The following PRUNE2 variants were observed in gnomAD, a reference collection of about 807,000 sequenced individuals.
PRUNE2 encodes the protein protein prune homolog 2.
A neutral mutation model predicts 252.0 loss-of-function variants in PRUNE2; 164 were observed. That is an observed-to-expected ratio of 0.65 (90% CI 0.57 to 0.74). PRUNE2 has a LOEUF of 0.74. Among genes scored for constraint, PRUNE2 ranks in the 30% least tolerant of loss-of-function variants. The pLI is 0.00. For synonymous variants in PRUNE2, 1,292 were observed against 1,350.2 expected (o/e 0.96, Z 0.94); for missense variants, 3,495 against 3,711.0 (o/e 0.94, Z 1.51).
chr9:76,619,130 A>G (rs1160734468), intron 18 of PRUNE2, among the ~76,000 whole-genome samples: 1 of 152,212 alleles, frequency 6.6e-6, no homozygotes, highest in Non-Finnish European at 1.5e-5. Flanking sequence ...CCATGTCCAC[A>G]GGTTGTCCTT....
chr9:76,705,918 T>C lies in PRUNE2; in HGVS notation c.6356A>G (p.Lys2119Arg), dbSNP rs1301594312. 3 of 1,613,860 alleles carry C rather than the reference T, an allele frequency of 1.9e-6. No individual in the cohort carries two copies. In the East Asian group the frequency reaches 6.7e-5, roughly 36 times the overall value. The change falls in exon 8 of 19, where the codon AAG (lysine) becomes AGG (arginine). Residue 2119 changes from lysine (K) to arginine (R), a missense_variant. Lys to Arg is a conservative substitution (Grantham distance 26). Coordinates refer to ENST00000376718, the MANE Select transcript of PRUNE2 (RefSeq NM_015225.3). ...AGGTCCCATGCAAGCACTGAGGTGC[T>C]TCTCAGTCTCTTGCTTTGCTTCAGA... is the stretch of plus-strand genomic sequence containing the variant. ...HDSEAKQETE[K>R]HLSACMGPEV...
intron 18 of PRUNE2, among the ~76,000 whole-genome samples, chr9:76,615,774 T>TTTTTTG (rs1554756807): frequency 1.5e-5 from 2 of 136,082 alleles, no homozygotes; most frequent in Non-Finnish European, 3.1e-5. Context: ...GTGTGGTTTT[T>TTTTTTG]TTTTTTTTTT....
chr9:76,876,674 G>C (rs1176480386), intron 1 of PRUNE2, among the ~76,000 whole-genome samples: 1 of 152,032 alleles, frequency 6.6e-6, no homozygotes, highest in African/African-American at 2.4e-5. Context: ...GCACCTGCCA[G>C]TCATTCTAAC....
chr9:76,744,686 A>G (rs1242626747), intron 6 of PRUNE2, among the ~76,000 whole-genome samples: 1 of 151,936 alleles, frequency 6.6e-6, no homozygotes, highest in East Asian at 1.9e-4. Flanking sequence ...TCCCTTCCCT[A>G]TCCGACTCCT....
chr9:76,627,288 A>C (rs1232198490), intron 16 of PRUNE2, among the ~76,000 whole-genome samples: 2 of 67,068 alleles, frequency 3.0e-5, no homozygotes, highest in Non-Finnish European at 4.8e-5. Context: ...TTTTTCATAG[A>C]GATGGGGTGG....
intron 1 of PRUNE2, among the ~76,000 whole-genome samples, chr9:76,897,861 T>C (rs2062936115): frequency 6.6e-6 from 1 of 152,212 alleles, no homozygotes; most frequent in Non-Finnish European, 1.5e-5. Flanking sequence ...AAATTCTAAC[T>C]GAATTGCAAG....
Position 76,710,330 on chromosome 9 carries a change from C to T in PRUNE2, c.1944G>A (p.Gln648=). ...ACCAGCTGCTGCACCGTGCATGGGT[C>T]TGAGGTGGCCCCATGTGACCTGTGT... ...ATDTGHMGPP[Q]THARCSSWWG... The change falls in exon 8 of 19, where the codon CAG becomes CAA. Residue 648 remains glutamine, a synonymous_variant. Transcript: ENST00000376718. 1 of 1,614,054 alleles carries T rather than the reference C, an allele frequency of 6.2e-7. No individual in the cohort carries two copies. Among genetic ancestry groups the T allele is most frequent in the East Asian group, 2.2e-5 (1 of 44,884 alleles).
intron 1 of PRUNE2, among the ~76,000 whole-genome samples, chr9:76,903,706 GC>G (rs1019192147): frequency 7.2e-5 from 11 of 152,210 alleles, no homozygotes; most frequent in African/African-American, 2.6e-4. Context: ...TCCTGCCTCT[GC>G]CCCCCTAGTA....
At chr9:76,671,304 C>T (rs1285460536) in intron 9 of PRUNE2, among the ~76,000 whole-genome samples, 5 of 147,628 alleles carry the variant, frequency 3.4e-5, no homozygotes, top group South Asian at 2.2e-4. Flanking sequence ...AGGGTATCAG[C>T]GATGGAAGAT....
At chr9:76,839,665 A>G (rs1395578516) in intron 4 of PRUNE2, among the ~76,000 whole-genome samples, 4 of 152,202 alleles carry the variant, frequency 2.6e-5, no homozygotes, top group African/African-American at 9.6e-5. Flanking sequence ...CTTACAATTT[A>G]CAAGGTCATT....
chr9:76,654,539 G>C (rs948299651), intron 10 of PRUNE2, among the ~76,000 whole-genome samples: 1 of 152,148 alleles, frequency 6.6e-6, no homozygotes. Context: ...CTTGAAATGA[G>C]GCTAGTGCAA....
At chr9:76,663,646 C>T (rs1005221995) in intron 9 of PRUNE2, among the ~76,000 whole-genome samples, 4 of 152,038 alleles carry the variant, frequency 2.6e-5, no homozygotes, top group African/African-American at 9.7e-5. Flanking sequence ...GAGGCTTAAA[C>T]ATGAAAATTT....
At chr9:76,898,423 T>C (rs1346376756) in intron 1 of PRUNE2, among the ~76,000 whole-genome samples, 1 of 152,186 alleles carries the variant, frequency 6.6e-6, no homozygotes, top group African/African-American at 2.4e-5. Flanking sequence ...TCCTTTCAGC[T>C]ACTTATTCTG....
At position 76,710,194 on chromosome 9, in the gene PRUNE2, T is replaced by G. The variant is rs1312969211; in HGVS notation, c.2080A>C (p.Ile694Leu). Residue 694 changes from isoleucine to leucine, a missense_variant, in exon 8 of 19, where the codon ATT (isoleucine) becomes CTT (leucine). Ile to Leu is a conservative substitution (Grantham distance 5, BLOSUM62 2). Transcript: ENST00000376718. The part of the protein sequence containing the change: ...ESWKEHKPSS[I>L]DRRASDSVFQ... ...ACAGAATCTGAGGCTCTCCTATCAA[T>G]GGAGCTTGGCTTATGCTCTTTCCAT... The G allele has an allele frequency of 6.2e-7, 1 of 1,613,940 alleles. No individual in the cohort carries two copies. Among genetic ancestry groups the G allele is most frequent in the Non-Finnish European group, 8.5e-7 (1 of 1,179,850 alleles).
intron 3 of PRUNE2, 79 bp downstream of exon 3, chr9:76,850,384 A>G: frequency 8.8e-7 from 1 of 1,137,622 alleles, no homozygotes; most frequent in Non-Finnish European, 1.3e-6. Context: ...AAACCACAAA[A>G]GTCCTGAGTA....
intron 1 of PRUNE2, among the ~76,000 whole-genome samples, chr9:76,868,253 A>C (rs1338863675): frequency 6.6e-6 from 1 of 152,218 alleles, no homozygotes. Flanking sequence ...AAAAACATCC[A>C]AAATAACAAA....
At position 76,709,458 on chromosome 9, in the gene PRUNE2, T is replaced by C; in HGVS notation, c.2816A>G (p.Asp939Gly). 6.2e-7 allele frequency: 1 copy of C among 1,614,024 alleles called. No individual in the cohort carries two copies. Among genetic ancestry groups the C allele is most frequent in the Non-Finnish European group, 8.5e-7 (1 of 1,179,872 alleles). ...AGAACATTTGTAAGATAAGAAGGAA[T>C]CTTCCCAAGGAACTAGGACATCTGA... ...GGSDVLVPWE[D>G]SFLSYKCSDY... Residue 939 changes from aspartate (D) to glycine (G), a missense_variant, in exon 8 of 19, where the codon GAT (aspartate) becomes GGT (glycine). Coordinates refer to ENST00000376718, the MANE Select transcript of PRUNE2 (RefSeq NM_015225.3).
intron 17 of PRUNE2, among the ~76,000 whole-genome samples, chr9:76,623,759 CT>C (rs1050641081): frequency 6.0e-4 from 91 of 152,288 alleles, no homozygotes; most frequent in African/African-American, 1.9e-3. Context: ...TCCAAATATT[CT>C]TCTATAAATT....
chr9:76,655,590 A>T, intron 9 of PRUNE2, 88 bp from the exon 10 acceptor site: 1 of 930,748 alleles, frequency 1.1e-6, no homozygotes. Context: ...GTCCAGGATA[A>T]CATTTTCAAC....
Sources: gnomAD v4.1 joint callset for allele counts (sites outside exome capture counted in the v4.1 genomes callset) on GRCh38, gnomAD v4.1.1 for gene constraint, MANE v1.5 for transcripts, NCBI Gene and HGNC (gene_info 2026-07-23, HGNC 2026-07-21) for gene names.